The following CA6 variants were observed in gnomAD, a reference collection of about 807,000 sequenced individuals.
CA6 encodes the protein carbonic anhydrase 6, also known as carbonate dehydratase VI.
A neutral mutation model predicts 35.9 loss-of-function variants in CA6; 28 were observed. The observed-to-expected ratio is 0.78, with a 90% CI of 0.58 to 1.07. The LOEUF (loss-of-function observed/expected upper bound fraction) is 1.07, where lower values mean the gene tolerates loss of function less well. Ranked by LOEUF, CA6 falls within the 50% of genes least tolerant of loss-of-function variation. The pLI, the probability that CA6 is intolerant of heterozygous loss-of-function variation, is 0.00. For missense variants in CA6, 377 were observed against 382.0 expected (o/e 0.99, Z 0.11); for synonymous variants, 148 against 152.6 (o/e 0.97, Z 0.22).
At chr1:8,962,960 G>A (rs1383663296) in intron 5 of CA6, among the ~76,000 whole-genome samples, 1 of 152,128 alleles carries the variant, frequency 6.6e-6, no homozygotes, top group East Asian at 1.9e-4. Context: ...ACCTCAGCTG[G>A]CAGTGACAGT....
At chr1:8,970,205 CAAAAAAAAAAAA>C (rs57388930) in intron 6 of CA6, among the ~76,000 whole-genome samples, 3 of 88,038 alleles carry the variant, frequency 3.4e-5, no homozygotes, top group Non-Finnish European at 4.6e-5. Flanking sequence ...ACTCTGGTCT[CAAAAAAAAAAAA>C]AAAAAAAAAA....
Position 8,970,921 on chromosome 1 carries a change from G to T in CA6, c.784G>T (p.Asp262Tyr), listed in dbSNP as rs749482487. 2 of 1,613,966 alleles carry T rather than the reference G, an allele frequency of 1.2e-6. No individual in the cohort carries two copies. The highest frequency in any genetic ancestry group is 2.7e-5 in the African/African-American group (2 of 74,896). The change falls in exon 7 of 8, where the codon GAT (aspartate) becomes TAT (tyrosine). Residue 262 changes from aspartate (D) to tyrosine (Y), a missense_variant. Asp to Tyr is a radical substitution (Grantham distance 160, BLOSUM62 -3). Coordinates refer to ENST00000377443, the MANE Select transcript of CA6 (RefSeq NM_001215.4). ...LDHRNKTIHN[D>Y]YRRTQPLNHR... ...TCACCGCAACAAGACCATCCACAAC[G>T]ATTACCGCAGGACCCAGCCCCTGAA...
chr1:8,964,762 C>T (rs1252589370), intron 5 of CA6, among the ~76,000 whole-genome samples: 1 of 152,150 alleles, frequency 6.6e-6, no homozygotes, highest in East Asian at 1.9e-4. Flanking sequence ...CAATGCTCCA[C>T]GGAGCCGGAG....
intron 2 of CA6, among the ~76,000 whole-genome samples, chr1:8,955,386 T>G (rs1639647267): frequency 6.6e-6 from 1 of 152,096 alleles, no homozygotes; most frequent in African/African-American, 2.4e-5. Context: ...AATTAAAATC[T>G]TTTTTAAAAA....
intron 7 of CA6, 198 bp from the exon 8 acceptor site, chr1:8,974,424 C>T (rs74050967): frequency 0.016 from 25,070 of 1,533,776 alleles, 379 homozygotes; most frequent in South Asian, 0.063. Context: ...CCCCTTGGCT[C>T]TGGGCAGCTT....
intron 1 of CA6, among the ~76,000 whole-genome samples, chr1:8,948,176 T>A (rs1639419446): frequency 6.6e-6 from 1 of 151,994 alleles, no homozygotes; most frequent in Admixed American, 6.6e-5. Flanking sequence ...ACAAGCTGTG[T>A]ACTCACCACA....
intron 1 of CA6, among the ~76,000 whole-genome samples, chr1:8,947,252 C>A (rs1639389789): frequency 6.6e-6 from 1 of 152,078 alleles, no homozygotes; most frequent in African/African-American, 2.4e-5. Context: ...GAGCTTCTTC[C>A]CGCATCCCCC....
At chr1:8,961,910 A>G (rs905687629) in intron 4 of CA6, among the ~76,000 whole-genome samples, 3 of 152,196 alleles carry the variant, frequency 2.0e-5, no homozygotes, top group African/African-American at 4.8e-5. Context: ...AGCCCTCCTC[A>G]TCACAAAGAA....
intron 7 of CA6, chr1:8,974,361 GGGC>G: frequency 6.6e-7 from 1 of 1,525,160 alleles, no homozygotes; most frequent in Non-Finnish European, 8.7e-7. Context: ...GGGCCACGGG[GGGC>G]ATCGTGGGAG....
intron 1 of CA6, among the ~76,000 whole-genome samples, chr1:8,946,806 T>TTTG (rs1639378402): frequency 7.5e-5 from 1 of 13,418 alleles, no homozygotes; most frequent in African/African-American, 4.0e-4. Context: ...TTTTTTTTTG[T>TTTG]TTTTTTTTTT....
intron 4 of CA6, among the ~76,000 whole-genome samples, chr1:8,960,248 C>T (rs1418676832): frequency 1.3e-5 from 2 of 150,102 alleles, no homozygotes; most frequent in South Asian, 2.1e-4. Flanking sequence ...AAAAAAAAGT[C>T]GGGCATGCAA....
chr1:8,954,589 T>C (rs1639626057), intron 2 of CA6, among the ~76,000 whole-genome samples: 1 of 152,230 alleles, frequency 6.6e-6, no homozygotes, highest in Admixed American at 6.5e-5. Context: ...TTTGGTAACA[T>C]ATAGACCAAG....
At chr1:8,959,445 G>T (rs1480874216) in intron 4 of CA6, among the ~76,000 whole-genome samples, 2 of 151,574 alleles carry the variant, frequency 1.3e-5, no homozygotes, top group Non-Finnish European at 2.9e-5. Flanking sequence ...CTCCCAAGTA[G>T]CTGGGATTAC....
chr1:8,961,762 A>G (rs1455809904), intron 4 of CA6, among the ~76,000 whole-genome samples: 1 of 152,246 alleles, frequency 6.6e-6, no homozygotes, highest in Non-Finnish European at 1.5e-5. Context: ...TTTCACCCAA[A>G]GCAACTTTTC....
At chr1:8,966,532 C>A (rs1333041181) in intron 5 of CA6, among the ~76,000 whole-genome samples, 1 of 152,158 alleles carries the variant, frequency 6.6e-6, no homozygotes, top group Non-Finnish European at 1.5e-5. Context: ...CCACAGAGCC[C>A]TTTTGGAGGT....
rs569406079 is a variant in CA6, at chr1:8,946,976, G to C, written c.79+1011G>C. Among the ~76,000 whole-genome samples, 3 of 151,872 alleles carry C rather than the reference G, an allele frequency of 2.0e-5. No homozygotes were observed. The East Asian group carries it at 5.8e-4, about 29-fold the overall frequency. The stretch of plus-strand genomic sequence containing the variant: ...TCATCACCATGCCTGGCTAACTTTT[G>C]TATTTTTAGTGGAGATGGGGTTTTA... On this transcript the variant is annotated intron_variant, in intron 1 of 7. Transcript: ENST00000377443.
rs556024060 is a variant in CA6, at chr1:8,962,730, G to C, written c.571+74G>C. ...GTGTGAGTGTGAGGTGGGCCCAGGG[G>C]GCAGGGGATTGATGCTGGTGGGGAG... On this transcript the variant is annotated intron_variant, in intron 5 of 7. Coordinates refer to ENST00000377443, the MANE Select transcript of CA6 (RefSeq NM_001215.4). 2.3e-4 allele frequency: 309 copies of C among 1,324,396 alleles called. 1 individual carries two copies. In the South Asian group the frequency reaches 3.3e-3, roughly 14 times the overall value. 82.0% of individuals were successfully genotyped at this position (1,324,396 alleles called of 1,614,324 possible). A position where few individuals can be genotyped will look rare whatever the true frequency, so the allele number is the denominator to read the frequency against.
intron 5 of CA6, among the ~76,000 whole-genome samples, chr1:8,964,541 C>G (rs1175033965): frequency 1.4e-5 from 2 of 142,878 alleles, no homozygotes; most frequent in Admixed American, 7.2e-5. Context: ...CCACCGTGCC[C>G]GGTCTGCATC....
chr1:8,965,058 A>G lies in CA6; in HGVS notation c.571+2402A>G, dbSNP rs1639935011. Among the ~76,000 whole-genome samples the G allele has an allele frequency of 2.0e-5, 3 of 152,148 alleles. No individual in the cohort carries two copies. The South Asian group carries it at 6.2e-4, about 32-fold the overall frequency. The stretch of plus-strand genomic sequence containing the variant: ...CAGGAGTTTGAGACCAGTGTGGCCA[A>G]CATGGTTGAACCCCGTCTCTACTAA... On this transcript the variant is annotated intron_variant, in intron 5 of 7. Coordinates refer to ENST00000377443, the MANE Select transcript of CA6 (RefSeq NM_001215.4).
Sources: gnomAD v4.1 joint callset for allele counts (sites outside exome capture counted in the v4.1 genomes callset) on GRCh38, gnomAD v4.1.1 for gene constraint, MANE v1.5 for transcripts, NCBI Gene and HGNC (gene_info 2026-07-23, HGNC 2026-07-21) for gene names.